CCR3: variants seen among roughly 807,000 people sequenced by gnomAD.
CCR3 encodes the protein C-C chemokine receptor type 3.
For synonymous variants in CCR3, 203 were observed against 179.2 expected (o/e 1.13, Z -1.06); for missense variants, 419 against 437.5 (o/e 0.96, Z 0.38).
upstream of CCR3, chr3:46,242,350 C>T (rs532723576): frequency 6.6e-6 from 1 of 152,240 alleles, no homozygotes; most frequent in East Asian, 1.9e-4. Context: ...TATATACTTA[C>T]ATTGTTTACT....
rs533501448 is a variant in CCR3 at position 46,246,728 on chromosome 3, C to T, written c.-12+4190C>T. Among the ~76,000 whole-genome samples, 177 of 152,142 alleles carry T rather than the reference C, an allele frequency of 1.2e-3. 2 individuals are homozygous for T. The highest frequency in any genetic ancestry group is 4.2e-3 in the African/African-American group (173 of 41,490). On this transcript the variant is annotated intron_variant, in intron 1 of 1. Coordinates refer to ENST00000395940, the MANE Select transcript of CCR3 (RefSeq NM_178329.3). ...GGCTTGGGCTCAGAGGCCTGACATT[C>T]CTGCCTTCTTATATTAATAAGAAAA... is the stretch of plus-strand genomic sequence containing the variant.
intron 1 of CCR3, among the ~76,000 whole-genome samples, chr3:46,253,680 A>G (rs1026241361): frequency 6.6e-6 from 1 of 151,918 alleles, no homozygotes; most frequent in African/African-American, 2.4e-5. Context: ...TTAACCTTTA[A>G]GGGAAACTAG....
At chr3:46,218,206 T>C (rs1219564542) in intron 2 of CCR3, among the ~76,000 whole-genome samples, 2 of 151,870 alleles carry the variant, frequency 1.3e-5, no homozygotes, top group African/African-American at 2.4e-5. Context: ...GTGCACAAAC[T>C]AGAAAACCTA....
At chr3:46,233,324 G>A (rs958891675) in intron 2 of CCR3, among the ~76,000 whole-genome samples, 2 of 152,226 alleles carry the variant, frequency 1.3e-5, no homozygotes, top group Non-Finnish European at 2.9e-5. Context: ...TGGTGCCCGG[G>A]AAGGAAGGTG....
At chr3:46,231,493 A>G (rs1005242729) in intron 2 of CCR3, among the ~76,000 whole-genome samples, 1 of 152,238 alleles carries the variant, frequency 6.6e-6, no homozygotes, top group Admixed American at 6.5e-5. Context: ...ATCTATCTGT[A>G]TTAGTCAACG....
At chr3:46,212,964 C>T (rs1034393098) in intron 2 of CCR3, among the ~76,000 whole-genome samples, 1 of 152,122 alleles carries the variant, frequency 6.6e-6, no homozygotes, top group Non-Finnish European at 1.5e-5. Context: ...ACATTGGGTA[C>T]TTTTGACAGC....
chr3:46,243,005 G>GTATA (rs1326660990), intron 1 of CCR3, among the ~76,000 whole-genome samples: 7 of 131,484 alleles, frequency 5.3e-5, no homozygotes, highest in South Asian at 2.4e-4. Context: ...ATATATATAC[G>GTATA]CACACACACA....
chr3:46,222,673 C>T (rs532588475), intron 2 of CCR3, among the ~76,000 whole-genome samples: 2 of 152,316 alleles, frequency 1.3e-5, no homozygotes, highest in South Asian at 4.1e-4. Flanking sequence ...TCCAGCACAC[C>T]AGACCTGGCA....
chr3:46,246,832 C>G (rs1050326618), intron 1 of CCR3, among the ~76,000 whole-genome samples: 7 of 151,958 alleles, frequency 4.6e-5, no homozygotes, highest in African/African-American at 1.7e-4. Context: ...GGCGATGTTT[C>G]CCAGGGCTGC....
chr3:46,211,648 C>A (rs1233263771), intron 2 of CCR3, among the ~76,000 whole-genome samples: 1 of 152,146 alleles, frequency 6.6e-6, no homozygotes, highest in Admixed American at 6.5e-5. Flanking sequence ...AGTTTGCCTA[C>A]CCCTGGCGCC....
intron 1 of CCR3, among the ~76,000 whole-genome samples, chr3:46,248,655 T>C (rs1409004860): frequency 6.6e-6 from 1 of 152,146 alleles, no homozygotes; most frequent in Non-Finnish European, 1.5e-5. Flanking sequence ...ACTGAAGTAA[T>C]GGGGGCTGTC....
chr3:46,251,694 G>T (rs529608592), intron 1 of CCR3, among the ~76,000 whole-genome samples: 6 of 152,270 alleles, frequency 3.9e-5, no homozygotes, highest in Non-Finnish European at 8.8e-5. Flanking sequence ...GGCGGGCTGA[G>T]TCCGAAAAGA....
At position 46,265,795 on chromosome 3, in the gene CCR3, C is replaced by T. The variant is rs140574649; in HGVS notation, c.637C>T (p.Leu213Phe). The change falls in exon 2 of 2, where the codon CTC becomes TTC. Residue 213 changes from leucine (L) to phenylalanine (F), a missense_variant. Physicochemically the swap from Leu to Phe is conservative, Grantham distance 22. Transcript: ENST00000395940. ...CATCTTCTGTCTCGTTCTCCCTCTGCTCGTTATGGCCATCTGCTACACAGG... is the reference window on the plus strand; with the variant it reads ...CATCTTCTGTCTCGTTCTCCCTCTGTTCGTTATGGCCATCTGCTACACAGG... ...MTIFCLVLPL[L>F]VMAICYTGII... 1.6e-5 allele frequency: 26 copies of T among 1,613,852 alleles called. No individual in the cohort carries two copies. Among genetic ancestry groups the T allele is most frequent in the African/African-American group, 9.3e-5 (7 of 74,912 alleles).
At chr3:46,240,660 G>A (rs1172766661), upstream of CCR3, among the ~76,000 whole-genome samples, 1 of 152,108 alleles carries the variant, frequency 6.6e-6, no homozygotes, top group African/African-American at 2.4e-5. Context: ...CACTGAGAGG[G>A]TCTGTCATGA....
At chr3:46,257,903 T>C (rs747654276) in intron 1 of CCR3, among the ~76,000 whole-genome samples, 4 of 152,042 alleles carry the variant, frequency 2.6e-5, no homozygotes, top group Non-Finnish European at 4.4e-5. Flanking sequence ...AGCCACTGAG[T>C]TGGGGGAGGT....
intron 2 of CCR3, among the ~76,000 whole-genome samples, chr3:46,234,620 C>A (rs1304421406): frequency 2.1e-5 from 3 of 145,340 alleles, no homozygotes; most frequent in Non-Finnish European, 4.6e-5. Flanking sequence ...CTGGAGCACC[C>A]CACAAAATAC....
upstream of CCR3, among the ~76,000 whole-genome samples, chr3:46,240,389 C>T (rs929772285): frequency 5.9e-5 from 9 of 152,318 alleles, 1 homozygote; most frequent in South Asian, 1.9e-3. Context: ...TACCCCTGCA[C>T]AGGGACCAAG....
chr3:46,240,695 C>T (rs188543700), upstream of CCR3, among the ~76,000 whole-genome samples: 7 of 152,284 alleles, frequency 4.6e-5, no homozygotes, highest in Non-Finnish European at 5.9e-5. Context: ...ATTTTCATGA[C>T]GCTGTCCACA....
Position 46,265,783 on chromosome 3 carries a change from G to T in CCR3, c.625G>T (p.Val209Phe), listed in dbSNP as rs146703988. The T allele has an allele frequency of 7.4e-6, 12 of 1,613,578 alleles. 1 individual carries two copies. In the South Asian group the frequency reaches 1.3e-4, roughly 18 times the overall value. ...TCTGAGAATGACCATCTTCTGTCTCGTTCTCCCTCTGCTCGTTATGGCCAT... is the reference window on the plus strand; with the variant it reads ...TCTGAGAATGACCATCTTCTGTCTCTTTCTCCCTCTGCTCGTTATGGCCAT... Reference protein sequence around the residue: ...HTLRMTIFCLVLPLLVMAICY... With the variant: ...HTLRMTIFCLFLPLLVMAICY... Residue 209 changes from valine (V) to phenylalanine (F), a missense_variant, in exon 2 of 2, where the codon GTT becomes TTT. Physicochemically the swap from Val to Phe is conservative, Grantham distance 50. Transcript: ENST00000395940.
Sources: allele counts gnomAD v4.1 joint callset (sites outside exome capture counted in the v4.1 genomes callset), GRCh38; gene constraint gnomAD v4.1.1; transcripts MANE v1.5; gene names NCBI Gene and HGNC (gene_info 2026-07-23, HGNC 2026-07-21).